SNUPN: variants seen among roughly 807,000 people sequenced by gnomAD.
SNUPN encodes the protein snurportin 1.
SNUPN carries 31 observed loss-of-function variants against 39.2 expected under a neutral mutation model. That is an observed-to-expected ratio of 0.79 (90% confidence interval 0.59 to 1.07). The LOEUF is 1.07. Among genes scored for constraint, SNUPN ranks in the 50% least tolerant of loss-of-function variants. The pLI is 0.00. For missense variants in SNUPN, 382 were observed against 434.2 expected (o/e 0.88, Z 1.07); for synonymous variants, 132 against 159.0 (o/e 0.83, Z 1.28).
chr15:75,611,503 C>T (rs867649823), intron 3 of SNUPN, among the ~76,000 whole-genome samples: 58 of 151,688 alleles, frequency 3.8e-4, no homozygotes, highest in African/African-American at 1.1e-3. Context: ...CCGCCCGCCT[C>T]GGCCCCCCAA....
At position 75,624,776 on chromosome 15, in the gene SNUPN, GTTGT is replaced by G. The variant is rs1304264001; in HGVS notation, c.-6+886_-6+889del. 3.9e-6 allele frequency: 5 copies of G among 1,278,212 alleles called. No individual in the cohort carries two copies. In the South Asian group the frequency reaches 5.0e-5, roughly 13 times the overall value. The allele number at this position is 1,278,212 out of a possible 1,614,324, so 79.2% of individuals were successfully genotyped here. ...TTCGTTTTGTTTTTTCTTTGTTGTT[GTTGT>G]TTTTTTTTTGAGACAGAGTTTCGCT... On this transcript the variant is annotated intron_variant, in intron 1 of 8. Transcript: ENST00000308588.
chr15:75,607,364 T>A, intron 5 of SNUPN, 51 bp from the exon 6 acceptor site: 1 of 1,262,360 alleles, frequency 7.9e-7, no homozygotes, highest in African/African-American at 1.5e-5. Flanking sequence ...CCAACCAGGT[T>A]CCCTCCACCA....
chr15:75,612,907 C>A (rs932142993), intron 3 of SNUPN, among the ~76,000 whole-genome samples: 1 of 151,376 alleles, frequency 6.6e-6, no homozygotes, highest in Non-Finnish European at 1.5e-5. Context: ...AAAAGACAAC[C>A]CACAGAATGA....
At chr15:75,614,259 C>T (rs1892872351) in intron 3 of SNUPN, among the ~76,000 whole-genome samples, 1 of 151,982 alleles carries the variant, frequency 6.6e-6, no homozygotes, top group Admixed American at 6.6e-5. Flanking sequence ...CCACTGTACT[C>T]CAGCCTGGGT....
At position 75,598,617 on chromosome 15, in the gene SNUPN, C is replaced by A. The variant is rs1047640565; in HGVS notation, c.824G>T (p.Gly275Val). ...TGACACCATGTAGGGGCGCAGCCAG[C>A]CCACCAAGGGAGTGCTTCCGGGGCT... The part of the protein sequence containing the change: ...HYSPGSTPLV[G>V]WLRPYMVSDV... Residue 275 changes from glycine (G) to valine (V), a missense_variant, in exon 9 of 9, where the codon GGC becomes GTC. By Grantham distance (109) the Gly-to-Val change is moderately radical. Coordinates refer to ENST00000308588, the MANE Select transcript of SNUPN (RefSeq NM_005701.4). 6 of 1,613,644 alleles carry A rather than the reference C, an allele frequency of 3.7e-6. No individual in the cohort carries two copies. In the Admixed American group the frequency reaches 6.7e-5, roughly 18 times the overall value.
At chr15:75,601,819 T>C (rs1018788107) in intron 7 of SNUPN, among the ~76,000 whole-genome samples, 17 of 152,062 alleles carry the variant, frequency 1.1e-4, no homozygotes, top group African/African-American at 4.1e-4. Flanking sequence ...GTCTCATCCT[T>C]CTCTACTAAT....
intron 7 of SNUPN, among the ~76,000 whole-genome samples, chr15:75,603,377 C>A (rs1452991513): frequency 1.3e-5 from 2 of 148,730 alleles, no homozygotes. Context: ...AAGCTCTTCA[C>A]TGGGCCGGGT....
chr15:75,617,645 A>G (rs1892971711), intron 2 of SNUPN, 93 bp from the exon 3 acceptor site: 2 of 1,395,184 alleles, frequency 1.4e-6, no homozygotes, highest in Non-Finnish European at 1.9e-6. Context: ...GGAATGGTGC[A>G]ATCTCAGCTC....
At chr15:75,624,169 C>T (rs1319869532) in intron 1 of SNUPN, among the ~76,000 whole-genome samples, 3 of 146,808 alleles carry the variant, frequency 2.0e-5, no homozygotes, top group East Asian at 2.1e-4. Flanking sequence ...CCTCGTGATC[C>T]GCCCGCCTCG....
At chr15:75,613,728 A>G (rs1892859610) in intron 3 of SNUPN, among the ~76,000 whole-genome samples, 1 of 152,146 alleles carries the variant, frequency 6.6e-6, no homozygotes, top group Non-Finnish European at 1.5e-5. Context: ...CAAAACCACA[A>G]GAAACCACTT....
At chr15:75,604,845 G>A (rs915423737) in intron 7 of SNUPN, among the ~76,000 whole-genome samples, 1 of 151,972 alleles carries the variant, frequency 6.6e-6, no homozygotes, top group Non-Finnish European at 1.5e-5. Flanking sequence ...CCCAAGCAGC[G>A]TACACTGCAC....
chr15:75,610,122 G>A lies in SNUPN; in HGVS notation c.304-128C>T, dbSNP rs1892740015. The A allele has an allele frequency of 1.1e-5, 8 of 722,908 alleles. No homozygotes were observed. In the Admixed American group the frequency reaches 1.5e-4, roughly 13 times the overall value. 44.8% of individuals were successfully genotyped at this position (722,908 alleles called of 1,614,324 possible). A position where few individuals can be genotyped will look rare whatever the true frequency, so the allele number is the denominator to read the frequency against. On this transcript the variant is annotated intron_variant, in intron 3 of 8. Transcript: ENST00000308588. ...TGAAAGAATGAGGGCAGAGAGCCGG[G>A]CACGGGGGCTCATGCTTGTAATCCC...
At chr15:75,607,379 C>T in intron 5 of SNUPN, 66 bp from the exon 6 acceptor site, 2 of 1,042,026 alleles carry the variant, frequency 1.9e-6, no homozygotes, top group East Asian at 4.8e-5. Context: ...CCACCACAAC[C>T]TAGGGAGCCC....
intron 1 of SNUPN, among the ~76,000 whole-genome samples, chr15:75,623,446 GC>G (rs1893126738): frequency 8.7e-6 from 1 of 114,698 alleles, no homozygotes; most frequent in South Asian, 2.6e-4. Flanking sequence ...ACCACGCCCG[GC>G]CTTTTTTTTT....
intron 3 of SNUPN, among the ~76,000 whole-genome samples, chr15:75,611,428 A>C (rs909435923): frequency 6.6e-6 from 1 of 150,752 alleles, no homozygotes; most frequent in Non-Finnish European, 1.5e-5. Flanking sequence ...AATTTTTTGT[A>C]TTTTTAGTAG....
intron 8 of SNUPN, among the ~76,000 whole-genome samples, chr15:75,599,950 A>G (rs753423636): frequency 6.6e-6 from 1 of 150,776 alleles, no homozygotes; most frequent in African/African-American, 2.4e-5. Context: ...GGTTCAAGAG[A>G]TTCTCCTGCC....
At chr15:75,599,461 G>A (rs1252373325) in intron 8 of SNUPN, among the ~76,000 whole-genome samples, 1 of 152,204 alleles carries the variant, frequency 6.6e-6, no homozygotes, top group African/African-American at 2.4e-5. Flanking sequence ...AACTGGACAG[G>A]CCCCTCCGGG....
chr15:75,602,525 CAA>C (rs530791161), intron 7 of SNUPN, among the ~76,000 whole-genome samples: 41 of 121,236 alleles, frequency 3.4e-4, no homozygotes, highest in African/African-American at 4.0e-4. Flanking sequence ...GACTCGGTCT[CAA>C]AAAAAAAAAA....
At chr15:75,617,346 G>T in intron 3 of SNUPN, 62 bp downstream of exon 3, 1 of 1,535,450 alleles carries the variant, frequency 6.5e-7, no homozygotes, top group Non-Finnish European at 8.9e-7. Context: ...ATTTCAGTGG[G>T]CTTTGACTGC....
Sources: gnomAD v4.1 joint callset for allele counts (sites outside exome capture counted in the v4.1 genomes callset) on GRCh38, gnomAD v4.1.1 for gene constraint, MANE v1.5 for transcripts, NCBI Gene and HGNC (gene_info 2026-07-23, HGNC 2026-07-21) for gene names.